ABRACL: variants seen among roughly 807,000 people sequenced by gnomAD.
ABRACL encodes costars family protein ABRACL.
Under a neutral mutation model 7.0 loss-of-function variants are expected in ABRACL, and 4 were observed. That is an observed-to-expected ratio of 0.57 (90% CI 0.28 to 1.30). ABRACL has a LOEUF of 1.30. ABRACL is among the 50% of genes most tolerant of loss of function. The pLI is 0.10. For missense variants in ABRACL, 104 were observed against 97.3 expected, an observed-to-expected ratio of 1.07 and a Z score of -0.29; for synonymous variants, 30 against 36.0, an observed-to-expected ratio of 0.83 and a Z score of 0.60.
intron 2 of ABRACL, among the ~76,000 whole-genome samples, chr6:139,037,696 C>A (rs1448281679): frequency 6.6e-6 from 1 of 152,140 alleles, no homozygotes; most frequent in East Asian, 1.9e-4. Flanking sequence ...TCCTGTTCCT[C>A]CTCCCACACT....
At position 139,042,958 on chromosome 6, in the gene ABRACL, A is replaced by G. The variant is rs1786275374; in HGVS notation, c.*55A>G. 7.1e-7 allele frequency: 1 copy of G among 1,414,306 alleles called. No individual in the cohort carries two copies. 87.6% of individuals were successfully genotyped at this position (1,414,306 alleles called of 1,614,324 possible). ...TTTTTTGTTTCTGGTAAACTGGAATATAAAGTGAAAGAACAAACATTTGAA... is the reference window on the plus strand; with the variant it reads ...TTTTTTGTTTCTGGTAAACTGGAATGTAAAGTGAAAGAACAAACATTTGAA... On this transcript the variant is annotated 3_prime_UTR_variant, in exon 3 of 3. Transcript: ENST00000367660.
At chr6:139,029,362 G>T (rs1437871544) in intron 1 of ABRACL, among the ~76,000 whole-genome samples, 2 of 152,080 alleles carry the variant, frequency 1.3e-5, no homozygotes, top group Non-Finnish European at 2.9e-5. Context: ...AGTCGTGAGG[G>T]GACACCAGGG....
chr6:139,043,117 T>C lies in ABRACL; in HGVS notation c.*214T>C. ...TAAATCCTATTATTTTTCTCAGGAA[T>C]CTGGTTAGGAATTGCAGGCAATGAG... On this transcript the variant is annotated 3_prime_UTR_variant, in exon 3 of 3. Transcript: ENST00000367660. 2 of 364,712 alleles carry C rather than the reference T, an allele frequency of 5.5e-6. No homozygotes were observed. The highest frequency in any genetic ancestry group is 4.5e-5 in the East Asian group (1 of 22,006). The allele number at this position is 364,712 out of a possible 1,614,324, so 22.6% of individuals were successfully genotyped here. A position where few individuals can be genotyped will look rare whatever the true frequency, so the allele number is the denominator to read the frequency against.
chr6:139,038,356 T>C (rs570218887), intron 2 of ABRACL, among the ~76,000 whole-genome samples: 3 of 152,266 alleles, frequency 2.0e-5, no homozygotes, highest in Non-Finnish European at 4.4e-5. Context: ...TTCATCAGGA[T>C]ACCTTGACTT....
chr6:139,034,081 A>G, intron 1 of ABRACL, 74 bp from the exon 2 acceptor site: 1 of 1,589,238 alleles, frequency 6.3e-7, no homozygotes, highest in Non-Finnish European at 8.6e-7. Context: ...GAACAAGACA[A>G]AGGGCTCTTG....
At chr6:139,040,745 G>A (rs1786230955) in intron 2 of ABRACL, among the ~76,000 whole-genome samples, 1 of 152,154 alleles carries the variant, frequency 6.6e-6, no homozygotes, top group African/African-American at 2.4e-5. Context: ...TTTCCCTTTA[G>A]AACATCTTTT....
rs1171148649 is a variant in ABRACL at position 139,029,905 on chromosome 6, A to G, written c.-7+1030A>G. ...GCCTCCAAACTTTTGAAAAATAACA[A>G]TGCCCTGAGGGTCCTTAAATACATT... On this transcript the variant is annotated intron_variant, in intron 1 of 2. Coordinates refer to ENST00000367660, the MANE Select transcript of ABRACL (RefSeq NM_021243.3). Among the ~76,000 whole-genome samples the G allele has an allele frequency of 2.0e-5, 3 of 152,146 alleles. No homozygotes were observed. The East Asian group carries it at 5.8e-4, about 29-fold the overall frequency.
At chr6:139,033,410 G>A (rs1022172841) in intron 1 of ABRACL, among the ~76,000 whole-genome samples, 5 of 152,238 alleles carry the variant, frequency 3.3e-5, no homozygotes, top group Non-Finnish European at 5.9e-5. Flanking sequence ...GTCCCTGTAC[G>A]TCACTGGATT....
chr6:139,034,083 G>T, intron 1 of ABRACL, 72 bp from the exon 2 acceptor site: 1 of 1,590,164 alleles, frequency 6.3e-7, no homozygotes, highest in Non-Finnish European at 8.6e-7. Flanking sequence ...ACAAGACAAA[G>T]GGCTCTTGGA....
At chr6:139,039,240 A>G (rs1274779740) in intron 2 of ABRACL, among the ~76,000 whole-genome samples, 1 of 151,772 alleles carries the variant, frequency 6.6e-6, no homozygotes, top group African/African-American at 2.4e-5. Context: ...GAAAAAAAAA[A>G]TCTCTAAAAT....
intron 2 of ABRACL, among the ~76,000 whole-genome samples, chr6:139,037,178 G>C (rs908667283): frequency 6.6e-6 from 1 of 152,056 alleles, no homozygotes; most frequent in Non-Finnish European, 1.5e-5. Context: ...TCAGTTTAGG[G>C]GGAAATCCAT....
chr6:139,029,118 T>C (rs1786037928), intron 1 of ABRACL, among the ~76,000 whole-genome samples: 1 of 152,158 alleles, frequency 6.6e-6, no homozygotes, highest in African/African-American at 2.4e-5. Context: ...ACGTGACGTT[T>C]CGCCGGCCGG....
chr6:139,033,249 G>A (rs555481406), intron 1 of ABRACL, among the ~76,000 whole-genome samples: 7 of 152,322 alleles, frequency 4.6e-5, no homozygotes, highest in Admixed American at 1.3e-4. Flanking sequence ...AACAGTGTGC[G>A]GGACCCAGCT....
intron 2 of ABRACL, among the ~76,000 whole-genome samples, chr6:139,037,301 C>A (rs1345027478): frequency 2.6e-5 from 4 of 151,868 alleles, no homozygotes; most frequent in Non-Finnish European, 5.9e-5. Flanking sequence ...ACTCTGTTTC[C>A]CGGGCTGGAG....
intron 1 of ABRACL, among the ~76,000 whole-genome samples, chr6:139,031,129 A>C (rs1333033570): frequency 6.6e-6 from 1 of 152,232 alleles, no homozygotes. Flanking sequence ...GGAATCAGAG[A>C]ATCAGAGAAT....
intron 2 of ABRACL, among the ~76,000 whole-genome samples, chr6:139,036,394 A>G (rs1486631143): frequency 6.6e-6 from 1 of 152,154 alleles, no homozygotes; most frequent in East Asian, 1.9e-4. Flanking sequence ...GGATTGGTAC[A>G]TGGATATCTT....
At chr6:139,032,892 A>G (rs1288474755) in intron 1 of ABRACL, among the ~76,000 whole-genome samples, 1 of 152,210 alleles carries the variant, frequency 6.6e-6, no homozygotes, top group African/African-American at 2.4e-5. Context: ...AGTGCCAGAC[A>G]TGATAGAGCA....
chr6:139,029,552 G>C (rs1045181684), intron 1 of ABRACL, among the ~76,000 whole-genome samples: 1 of 152,094 alleles, frequency 6.6e-6, no homozygotes, highest in African/African-American at 2.4e-5. Context: ...GCCCCGCCAC[G>C]GGGGGCCCAG....
rs541528764 is a variant in ABRACL, at chr6:139,036,231, G to A, written c.61+2010G>A. 5.9e-5 allele frequency among the ~76,000 whole-genome samples: 9 copies of A among 152,130 alleles called. No homozygotes were observed. In the South Asian group the frequency reaches 1.7e-3, roughly 28 times the overall value. ...GCTGGGATTACAGGTGTGAGCCACC[G>A]TGCCTGGCCTGCCTCCTTCTTCTGT... is the stretch of plus-strand genomic sequence containing the variant. On this transcript the variant is annotated intron_variant, in intron 2 of 2. Coordinates refer to ENST00000367660, the MANE Select transcript of ABRACL (RefSeq NM_021243.3).
Sources: gnomAD v4.1 joint callset for allele counts (sites outside exome capture counted in the v4.1 genomes callset) on GRCh38, gnomAD v4.1.1 for gene constraint, MANE v1.5 for transcripts, NCBI Gene and HGNC (gene_info 2026-07-23, HGNC 2026-07-21) for gene names.